AP1M1: variants seen among roughly 807,000 people sequenced by gnomAD.
AP1M1 encodes adaptor related protein complex 1 subunit mu 1, also known as AP-1 complex subunit mu-1.
Under a neutral mutation model 57.1 loss-of-function variants are expected in AP1M1, and 18 were observed. The observed-to-expected ratio is 0.32, with a 90% CI of 0.22 to 0.47. The LOEUF is 0.47. AP1M1 is among the 20% of genes least tolerant of loss of function. The pLI is 1.00. For synonymous variants in AP1M1, 241 were observed against 237.9 expected, an observed-to-expected ratio of 1.01 and a Z score of -0.12; for missense variants, 362 against 593.5, an observed-to-expected ratio of 0.61 and a Z score of 4.05.
In AP1M1 at chr19:16,213,374, T is replaced by G. The variant is rs796495214; in HGVS notation, c.546+4197T>G. ...TGTCTTTTTTTGATCTTTGTTGGCT[T>G]AAAGTCTGTTTTGTCTGAAATTAAG... On this transcript the variant is annotated intron_variant, in intron 5 of 11. Coordinates refer to ENST00000291439, the MANE Select transcript of AP1M1 (RefSeq NM_032493.4). Among the ~76,000 whole-genome samples, 13 of 152,344 alleles carry G rather than the reference T, an allele frequency of 8.5e-5. 1 individual carries two copies. Among genetic ancestry groups the G allele is most frequent in the African/African-American group, 3.1e-4 (13 of 41,584 alleles).
In AP1M1 at chr19:16,197,976, C is replaced by CGCT; in HGVS notation, c.-48_-46dup. The CGCT allele has an allele frequency of 2.0e-6, 3 of 1,463,676 alleles. No homozygotes were observed. The highest frequency in any genetic ancestry group is 2.7e-6 in the Non-Finnish European group (3 of 1,115,954). The allele number at this position is 1,463,676 out of a possible 1,614,324, so 90.7% of individuals were successfully genotyped here. Reference sequence around the variant, plus strand: ...CTCAACGCCCAGCAGTCCCCACCGTCGCTGCCGCCGCCACCGCCCTCGGCC... The same window carrying CGCT: ...CTCAACGCCCAGCAGTCCCCACCGTCGCTGCTGCCGCCGCCACCGCCCTCGGCC... On this transcript the variant is annotated 5_prime_UTR_variant, in exon 1 of 12. Transcript: ENST00000291439.
intron 1 of AP1M1, among the ~76,000 whole-genome samples, chr19:16,200,992 G>A (rs748183956): frequency 3.9e-5 from 6 of 152,120 alleles, no homozygotes; most frequent in Non-Finnish European, 8.8e-5. Flanking sequence ...TGGAGATCTA[G>A]TGGCCTCTGA....
intron 2 of AP1M1, among the ~76,000 whole-genome samples, chr19:16,205,479 T>G (rs565727771): frequency 6.6e-6 from 1 of 152,044 alleles, no homozygotes; most frequent in African/African-American, 2.4e-5. Context: ...TGGGCCAGCG[T>G]CCCTTTCCTG....
At position 16,207,940 on chromosome 19, in the gene AP1M1, G is replaced by T; in HGVS notation, c.268-79G>T. On this transcript the variant is annotated intron_variant, in intron 3 of 11. Coordinates refer to ENST00000291439, the MANE Select transcript of AP1M1 (RefSeq NM_032493.4). The surrounding 1 kb of genome is among the most constrained non-coding windows in gnomAD (Gnocchi z 4.2). ...TAGGACTTAGCGGGCAAATGAATGT[G>T]TGCAAGCGTTCATTCATTCCTCATC... 1.3e-6 allele frequency: 2 copies of T among 1,512,442 alleles called. No homozygotes were observed. The highest frequency in any genetic ancestry group is 1.8e-6 in the Non-Finnish European group (2 of 1,113,564). 93.7% of individuals were successfully genotyped at this position (1,512,442 alleles called of 1,614,324 possible).
At chr19:16,229,861 C>A (rs2091588553) in intron 9 of AP1M1, among the ~76,000 whole-genome samples, 2 of 152,218 alleles carry the variant, frequency 1.3e-5, no homozygotes, top group Non-Finnish European at 2.9e-5. Context: ...AGTGCCTGCC[C>A]TTCCACGTGG....
chr19:16,208,333 C>T (rs569029499), intron 4 of AP1M1, 184 bp downstream of exon 4: 13 of 556,864 alleles, frequency 2.3e-5, no homozygotes, highest in African/African-American at 1.7e-4. Context: ...TCCTCCTCTA[C>T]GCCCCCACAT....
Position 16,234,217 on chromosome 19 carries a change from A to G in AP1M1, c.1192A>G (p.Ile398Val). 1.2e-6 allele frequency: 2 copies of G among 1,613,820 alleles called. No homozygotes were observed. The highest frequency in any genetic ancestry group is 8.5e-7 in the Non-Finnish European group (1 of 1,179,874). Residue 398 changes from isoleucine to valine, a missense_variant, in exon 11 of 12, where the codon ATT (isoleucine) becomes GTT (valine). Ile to Val is a conservative substitution (Grantham distance 29). Coordinates refer to ENST00000291439, the MANE Select transcript of AP1M1 (RefSeq NM_032493.4). ...GCCCCAGGTGCGCTACCTGAAGATC[A>G]TTGAGAAGAGTGGGTACCAGGCCCT... ...SGIQVRYLKI[I>V]EKSGYQALPW... is the part of the protein sequence containing the mutation.
rs745625654 is a variant in AP1M1 at position 16,234,182 on chromosome 19, T to G, written c.1174-17T>G. 1 of 1,609,728 alleles carries G rather than the reference T, an allele frequency of 6.2e-7. No homozygotes were observed. Among genetic ancestry groups the G allele is most frequent in the Non-Finnish European group, 8.5e-7 (1 of 1,177,930 alleles). ...CGGGAGCCTGCGGTGCTCAGGGCCC[T>G]GCTACCTGTGCCCCAGGTGCGCTAC... On this transcript the variant is annotated splice_polypyrimidine_tract_variant and intron_variant, in intron 10 of 11. Coordinates refer to ENST00000291439, the MANE Select transcript of AP1M1 (RefSeq NM_032493.4).
At chr19:16,199,749 G>A (rs760455936) in intron 1 of AP1M1, among the ~76,000 whole-genome samples, 52 of 152,202 alleles carry the variant, frequency 3.4e-4, no homozygotes, top group Admixed American at 3.2e-3. Context: ...CACGCCAGGG[G>A]CTGGGTGGTG....
At chr19:16,233,245 A>G (rs1202585180) in intron 9 of AP1M1, among the ~76,000 whole-genome samples, 1 of 152,212 alleles carries the variant, frequency 6.6e-6, no homozygotes, top group Non-Finnish European at 1.5e-5. Flanking sequence ...TGGGGCTGGC[A>G]GCTTGGTGAG....
In AP1M1 at chr19:16,236,558, G is replaced by A. The variant is rs2091625668; in HGVS notation, c.*2123G>A. 6.6e-6 allele frequency: 1 copy of A among 152,200 alleles called. No homozygotes were observed. The highest frequency in any genetic ancestry group is 2.1e-4 in the South Asian group (1 of 4,818). 9.4% of individuals were successfully genotyped at this position (152,200 alleles called of 1,614,324 possible). On this transcript the variant is annotated 3_prime_UTR_variant, in exon 12 of 12. Transcript: ENST00000291439. ...AATGCAGTGGAGATGACTCCTGCGT[G>A]AAGCTGGGATCCTCGAGGGTCATGA...
intron 5 of AP1M1, among the ~76,000 whole-genome samples, chr19:16,212,410 A>G (rs1255032681): frequency 1.3e-5 from 2 of 152,162 alleles, no homozygotes; most frequent in Non-Finnish European, 2.9e-5. Context: ...AATAGTCTCT[A>G]AGGGTTATTT....
chr19:16,200,333 G>C (rs1205841298), intron 1 of AP1M1, among the ~76,000 whole-genome samples: 1 of 152,214 alleles, frequency 6.6e-6, no homozygotes, highest in Non-Finnish European at 1.5e-5. Context: ...ATGTGGAAAA[G>C]AGGTGTTGCA....
chr19:16,225,915 C>CCCCAG (rs1470827015), intron 5 of AP1M1, among the ~76,000 whole-genome samples: 2 of 152,132 alleles, frequency 1.3e-5, no homozygotes, highest in African/African-American at 2.4e-5. Flanking sequence ...GTTCAAGAGA[C>CCCCAG]CCCAGCCCAG....
intron 2 of AP1M1, among the ~76,000 whole-genome samples, chr19:16,205,129 G>T (rs191061678): frequency 1.3e-5 from 2 of 152,106 alleles, no homozygotes; most frequent in African/African-American, 4.8e-5. Context: ...CACCGTGCCC[G>T]GCCTAGGTGG....
chr19:16,218,204 C>T (rs890336131), intron 5 of AP1M1, among the ~76,000 whole-genome samples: 3 of 152,244 alleles, frequency 2.0e-5, no homozygotes, highest in Admixed American at 6.5e-5. Flanking sequence ...AGTGCCTCTG[C>T]TGCCGTGCAC....
In AP1M1 at chr19:16,244,210, A is replaced by G. The variant is rs1440004710; in HGVS notation, c.*9775A>G. On this transcript the variant is annotated 3_prime_UTR_variant, in exon 12 of 12. Transcript: ENST00000291439. ...AGTTGGGTGACATTTTCAACATGCT[A>G]AAAGAAAACCACTAACCCAAATCAG... The G allele has an allele frequency of 6.6e-6, 1 of 152,228 alleles. No homozygotes were observed. The allele number at this position is 152,228 out of a possible 1,614,324, so 9.4% of individuals were successfully genotyped here.
Position 16,198,120 on chromosome 19 carries a change from C to A in AP1M1, c.42+52C>A, listed in dbSNP as rs745749701. The A allele has an allele frequency of 2.5e-6, 4 of 1,584,538 alleles. No individual in the cohort carries two copies. The African/African-American group carries it at 4.2e-5, about 17-fold the overall frequency. On this transcript the variant is annotated intron_variant, in intron 1 of 11. Coordinates refer to ENST00000291439, the MANE Select transcript of AP1M1 (RefSeq NM_032493.4). ...TTGCCAGGCAACCGGCAGGGGCCTC[C>A]GCCCGCGGGGACCCACCCTGTTGCT...
intron 1 of AP1M1, among the ~76,000 whole-genome samples, chr19:16,201,587 A>T (rs1181181082): frequency 6.6e-6 from 1 of 151,996 alleles, no homozygotes; most frequent in Non-Finnish European, 1.5e-5. Context: ...TAGTAGAGAC[A>T]GGGTTTCACC....
Sources: gnomAD v4.1 joint callset for allele counts (sites outside exome capture counted in the v4.1 genomes callset) on GRCh38, gnomAD v4.1.1 for gene constraint, Gnocchi (gnomAD v3.1) non-coding constraint, MANE v1.5 for transcripts, NCBI Gene and HGNC (gene_info 2026-07-23, HGNC 2026-07-21) for gene names.